Variants in LIPI observed in about 807,000 individuals in gnomAD.
The protein encoded by LIPI is lipase I, also known as lipase member I.
In LIPI, 59 loss-of-function variants were observed where a neutral mutation model predicts 50.6. The observed-to-expected ratio is 1.16, with a 90% CI of 0.94 to 1.45. The LOEUF (loss-of-function observed/expected upper bound fraction) is 1.45, where lower values mean the gene tolerates loss of function less well. Ranked by LOEUF, LIPI falls within the 40% of genes most tolerant of loss-of-function variation. LIPI has a pLI of 0.00. For missense variants in LIPI, 586 were observed against 536.3 expected, an observed-to-expected ratio of 1.09 and a Z score of -0.92; for synonymous variants, 203 against 178.2, an observed-to-expected ratio of 1.14 and a Z score of -1.11.
intron 9 of LIPI, among the ~76,000 whole-genome samples, chr21:14,138,723 A>G (rs570147413): frequency 2.0e-5 from 3 of 152,068 alleles, no homozygotes; most frequent in Non-Finnish European, 4.4e-5. Flanking sequence ...TGTATAAATT[A>G]CCCTATTATT....
chr21:14,161,717 A>AC, intron 7 of LIPI, among the ~76,000 whole-genome samples: 1 of 90,380 alleles, frequency 1.1e-5, no homozygotes, highest in Non-Finnish European at 1.9e-5. Flanking sequence ...ATTATATATT[A>AC]ATATATAATA....
At chr21:14,203,239 C>A (rs1383382401) in intron 1 of LIPI, among the ~76,000 whole-genome samples, 1 of 151,974 alleles carries the variant, frequency 6.6e-6, no homozygotes, top group Non-Finnish European at 1.5e-5. Flanking sequence ...GTTGGTGGGA[C>A]TGTAAACTAG....
intron 1 of LIPI, among the ~76,000 whole-genome samples, chr21:14,209,487 TGAG>T (rs1195539112): frequency 6.6e-6 from 1 of 152,078 alleles, no homozygotes; most frequent in Non-Finnish European, 1.5e-5. Context: ...TCAAGGAAAA[TGAG>T]AGAATGCATA....
rs2018135055 is a variant in LIPI at position 14,152,587 on chromosome 21, C to A, written c.1104G>T (p.Glu368Asp). Reference sequence around the variant, plus strand: ...ATTTTACTTACTCATAAAGCCTTGGCTCTTCAATCATTCCAAGCTGATTTA... The same window carrying A: ...ATTTTACTTACTCATAAAGCCTTGGATCTTCAATCATTCCAAGCTGATTTA... ...KLLNQLGMIE[E>D]PRLYEKNKPF... The change falls in exon 8 of 10, where the codon GAG becomes GAT. Residue 368 changes from glutamate (E) to aspartate (D), a missense_variant. By Grantham distance (45) the Glu-to-Asp change is conservative. Transcript: ENST00000681601. 1 of 1,558,706 alleles carries A rather than the reference C, an allele frequency of 6.4e-7. No individual in the cohort carries two copies. Among genetic ancestry groups the A allele is most frequent in the Non-Finnish European group, 8.8e-7 (1 of 1,132,076 alleles).
At chr21:14,169,778 A>G (rs1390605086) in intron 4 of LIPI, among the ~76,000 whole-genome samples, 2 of 152,190 alleles carry the variant, frequency 1.3e-5, no homozygotes, top group African/African-American at 2.4e-5. Flanking sequence ...TCCAAAATTG[A>G]CACCCTAACA....
chr21:14,163,346 C>T (rs936783606), intron 7 of LIPI, 73 bp downstream of exon 7: 6 of 764,166 alleles, frequency 7.9e-6, no homozygotes, highest in Non-Finnish European at 1.2e-5. Context: ...GCAAAGAACA[C>T]TTTGAATCAA....
Position 14,166,373 on chromosome 21 carries a change from G to A in LIPI, c.722C>T (p.Ser241Leu). The A allele has an allele frequency of 1.3e-6, 2 of 1,577,664 alleles. No homozygotes were observed. The highest frequency in any genetic ancestry group is 2.2e-5 in the South Asian group (2 of 90,304). Residue 241 changes from serine to leucine, a missense_variant, in exon 5 of 10, where the codon TCA becomes TTA. By Grantham distance (145) the Ser-to-Leu change is moderately radical. Coordinates refer to ENST00000681601, the MANE Select transcript of LIPI (RefSeq NM_001302998.2). Reference sequence around the variant, plus strand: ...TACTGTCAGTATACCTGAGAAAATTGATTTAGGACAGCCAGGTTGTTTATT... The same window carrying A: ...TACTGTCAGTATACCTGAGAAAATTAATTTAGGACAGCCAGGTTGTTTATT... ...GGNKQPGCPK[S>L]IFSGIQFIKC...
At chr21:14,183,439 C>A (rs2019344399) in intron 3 of LIPI, among the ~76,000 whole-genome samples, 1 of 152,114 alleles carries the variant, frequency 6.6e-6, no homozygotes, top group South Asian at 2.1e-4. Flanking sequence ...TCTAAATCAC[C>A]AAAAGCAATG....
intron 1 of LIPI, among the ~76,000 whole-genome samples, chr21:14,205,645 T>G (rs546312199): frequency 1.2e-3 from 183 of 152,192 alleles, no homozygotes; most frequent in Admixed American, 5.6e-3. Context: ...TTTATCTGTA[T>G]TTCTCTGTGT....
chr21:14,171,843 A>C (rs996218415), intron 4 of LIPI, among the ~76,000 whole-genome samples: 2 of 151,010 alleles, frequency 1.3e-5, no homozygotes, highest in African/African-American at 4.9e-5. Flanking sequence ...AAGCAATGGC[A>C]ACAAAAGCCA....
intron 9 of LIPI, among the ~76,000 whole-genome samples, chr21:14,111,151 A>G (rs2016396538): frequency 1.3e-5 from 2 of 151,820 alleles, no homozygotes; most frequent in African/African-American, 4.8e-5. Flanking sequence ...TAATGTTTTT[A>G]GGAATTTCCA....
At chr21:14,175,221 T>C (rs981398159) in intron 4 of LIPI, among the ~76,000 whole-genome samples, 2 of 152,230 alleles carry the variant, frequency 1.3e-5, no homozygotes, top group Non-Finnish European at 2.9e-5. Flanking sequence ...TTATAGATTA[T>C]GAGTATCTTT....
chr21:14,185,151 C>A (rs1169640547), intron 3 of LIPI, among the ~76,000 whole-genome samples: 1 of 152,070 alleles, frequency 6.6e-6, no homozygotes, highest in East Asian at 1.9e-4. Context: ...TCCATATCAG[C>A]CTTATTAGAT....
At chr21:14,177,244 G>A (rs1426591913) in intron 4 of LIPI, among the ~76,000 whole-genome samples, 1 of 151,830 alleles carries the variant, frequency 6.6e-6, no homozygotes, top group Non-Finnish European at 1.5e-5. Context: ...AATCAATTTT[G>A]TCTAATATAG....
At position 14,206,840 on chromosome 21, in the gene LIPI, C is replaced by T. The variant is rs1254268828; in HGVS notation, c.46+3960G>A. The T allele has an allele frequency of 1.2e-6, 2 of 1,610,510 alleles. No individual in the cohort carries two copies. The highest frequency in any genetic ancestry group is 1.7e-6 in the Non-Finnish European group (2 of 1,177,158). ...CTGATCTCAGGCACACAACTAGAAG[C>T]CACAGGACATTTCTGGGTGAGAACT... On this transcript the variant is annotated intron_variant, in intron 1 of 9. Coordinates refer to ENST00000681601, the MANE Select transcript of LIPI (RefSeq NM_001302998.2).
At chr21:14,118,641 A>G (rs2016745088) in intron 9 of LIPI, among the ~76,000 whole-genome samples, 1 of 152,194 alleles carries the variant, frequency 6.6e-6, no homozygotes. Flanking sequence ...AGTTGCCAGG[A>G]GTATGGAAGA....
chr21:14,138,510 A>T (rs2017589567), intron 9 of LIPI, among the ~76,000 whole-genome samples: 1 of 152,082 alleles, frequency 6.6e-6, no homozygotes, highest in Admixed American at 6.5e-5. Flanking sequence ...AAGCTGCAAA[A>T]TTTTGGTATC....
In LIPI at chr21:14,109,068, GC is replaced by G; in HGVS notation, c.1307del (p.Cys436SerfsTer37). 6.3e-7 allele frequency: 1 copy of G among 1,594,766 alleles called. No individual in the cohort carries two copies. The highest frequency in any genetic ancestry group is 1.1e-5 in the South Asian group (1 of 90,676). On this transcript the variant is annotated frameshift_variant, in exon 10 of 10. Coordinates refer to ENST00000681601, the MANE Select transcript of LIPI (RefSeq NM_001302998.2). LOFTEE classifies it high-confidence loss of function. ...SLTYPERPPL[C>X]RYNIVLKDRE... ...TGTCTTTAAGTACAATATTATACCT[GC>G]AAAGTGGTGGTCTGAGAAAGAGAAA...
At chr21:14,113,513 A>G (rs561149518) in intron 9 of LIPI, among the ~76,000 whole-genome samples, 84 of 152,340 alleles carry the variant, frequency 5.5e-4, no homozygotes, top group African/African-American at 1.8e-3. Flanking sequence ...AGAAAATAGA[A>G]TTTTAAAATT....
Sources: gnomAD v4.1 joint callset for allele counts (sites outside exome capture counted in the v4.1 genomes callset) on GRCh38, gnomAD v4.1.1 for gene constraint, MANE v1.5 for transcripts, NCBI Gene and HGNC (gene_info 2026-07-23, HGNC 2026-07-21) for gene names.